Variants in PCDHGA1 observed in about 807,000 individuals in gnomAD.
PCDHGA1 encodes protocadherin gamma subfamily A, 1, also known as protocadherin gamma-A1.
A neutral mutation model predicts 58.0 loss-of-function variants in PCDHGA1; 32 were observed. That is an observed-to-expected ratio of 0.55 (90% CI 0.42 to 0.74). The LOEUF is 0.74. PCDHGA1 is among the 30% of genes least tolerant of loss of function. PCDHGA1 has a pLI of 0.00. For missense variants in PCDHGA1, 1,205 were observed against 1,182.3 expected, an observed-to-expected ratio of 1.02 and a Z score of -0.28; for synonymous variants, 498 against 501.1, an observed-to-expected ratio of 0.99 and a Z score of 0.08.
At position 141,486,408 on chromosome 5, in the gene PCDHGA1, C is replaced by G; in HGVS notation, c.2422-8399C>G. The G allele has an allele frequency of 1.2e-6, 2 of 1,614,156 alleles. No homozygotes were observed. The highest frequency in any genetic ancestry group is 1.7e-6 in the Non-Finnish European group (2 of 1,180,014). Reference sequence around the variant, plus strand: ...CAGTTCTCCCTGGTGACTGCTGGACCCTTGGATCGAGAGGCCAAATCTAGC... The same window carrying G: ...CAGTTCTCCCTGGTGACTGCTGGACGCTTGGATCGAGAGGCCAAATCTAGC... On this transcript the variant is annotated intron_variant, in intron 1 of 3. Transcript: ENST00000517417. This position sits in a 1 kb window ranked among gnomAD's most constrained non-coding sequence, Gnocchi z 5.0.
At chr5:141,422,758 A>G in intron 1 of PCDHGA1, 1 of 1,613,150 alleles carries the variant, frequency 6.2e-7, no homozygotes, top group Non-Finnish European at 8.5e-7. Flanking sequence ...TATTAACTCC[A>G]ACACTGGTGT....
At chr5:141,376,211 G>A (rs1772408440) in intron 1 of PCDHGA1, 1 of 1,614,180 alleles carries the variant, frequency 6.2e-7, no homozygotes, top group Admixed American at 1.7e-5. Context: ...CTTCGTCATC[G>A]TGCTGCTGGC....
chr5:141,491,247 G>A lies in PCDHGA1; in HGVS notation c.2422-3560G>A, dbSNP rs1356752106. ...CAGTGCTGCTGGTTCTGGAGGATGA[G>A]GACCCTGAGGAAATGCCCAAATCCA... On this transcript the variant is annotated intron_variant, in intron 1 of 3. Coordinates refer to ENST00000517417, the MANE Select transcript of PCDHGA1 (RefSeq NM_018912.3). The surrounding 1 kb of genome is among the most constrained non-coding windows in gnomAD (Gnocchi z 6.9). The A allele has an allele frequency of 3.2e-5, 51 of 1,614,192 alleles. No individual in the cohort carries two copies. The highest frequency in any genetic ancestry group is 4.3e-5 in the Non-Finnish European group (51 of 1,180,018).
chr5:141,362,348 G>T (rs761668802), intron 1 of PCDHGA1: 2 of 1,614,022 alleles, frequency 1.2e-6, no homozygotes, highest in Non-Finnish European at 1.7e-6. Context: ...CCTGGACCTG[G>T]GGTTCTCCCC....
chr5:141,371,949 G>A lies in PCDHGA1; in HGVS notation c.2421+38844G>A, dbSNP rs376332279. ...GAGCGGGGTGGTGTTCGCGCAGCGA[G>A]CCTTCGACCACGAGCAGCTGCGTGC... is the stretch of plus-strand genomic sequence containing the variant. On this transcript the variant is annotated intron_variant, in intron 1 of 3. Coordinates refer to ENST00000517417, the MANE Select transcript of PCDHGA1 (RefSeq NM_018912.3). 4.6e-5 allele frequency: 74 copies of A among 1,613,184 alleles called. No homozygotes were observed. The African/African-American group carries it at 9.1e-4, about 20-fold the overall frequency.
chr5:141,376,152 C>T, intron 1 of PCDHGA1: 2 of 1,614,026 alleles, frequency 1.2e-6, no homozygotes, highest in Non-Finnish European at 1.7e-6. Context: ...TCGGACCTCA[C>T]TCTGTACCTG....
intron 1 of PCDHGA1, chr5:141,430,525 G>C (rs1354801907): frequency 3.3e-5 from 12 of 365,842 alleles, no homozygotes; most frequent in Admixed American, 1.3e-4. Context: ...GCAGTAATTG[G>C]TTAGGACTCT....
At position 141,365,998 on chromosome 5, in the gene PCDHGA1, C is replaced by A. The variant is rs374639173; in HGVS notation, c.2421+32893C>A. 3.1e-6 allele frequency: 5 copies of A among 1,614,116 alleles called. No homozygotes were observed. Among genetic ancestry groups the A allele is most frequent in the Admixed American group, 3.3e-5 (2 of 60,012 alleles). On this transcript the variant is annotated intron_variant, in intron 1 of 3. Transcript: ENST00000517417. ...TGAGCCTGTTTGTGCTGGACCAGAA[C>A]GACAATACGCCTGAGATCCTGTACC...
chr5:141,350,781 ACTTCT>A lies in PCDHGA1; in HGVS notation c.2421+17679_2421+17683del, dbSNP rs1758558440. On this transcript the variant is annotated intron_variant, in intron 1 of 3. Coordinates refer to ENST00000517417, the MANE Select transcript of PCDHGA1 (RefSeq NM_018912.3). ...TTATACACCATCAACCCCAATCAAT[ACTTCT>A]CTCTGTCAACGAAGGAAAGTCCTGA... is the stretch of plus-strand genomic sequence containing the variant. The A allele has an allele frequency of 4.3e-6, 7 of 1,613,952 alleles. No homozygotes were observed. In the East Asian group the frequency reaches 1.6e-4, roughly 36 times the overall value.
intron 1 of PCDHGA1, among the ~76,000 whole-genome samples, chr5:141,466,757 T>G (rs1486124876): frequency 6.6e-6 from 1 of 152,224 alleles, no homozygotes; most frequent in Non-Finnish European, 1.5e-5. Context: ...AGGGGCTCTT[T>G]TCAAACTGTT....
intron 3 of PCDHGA1, among the ~76,000 whole-genome samples, chr5:141,505,973 G>A (rs1207489923): frequency 6.6e-6 from 1 of 152,166 alleles, no homozygotes; most frequent in Non-Finnish European, 1.5e-5. Context: ...ATCCCCAGCC[G>A]AGAGAACACC....
chr5:141,404,709 A>G (rs746275941), intron 1 of PCDHGA1: 33 of 1,613,624 alleles, frequency 2.0e-5, no homozygotes, highest in Non-Finnish European at 2.7e-5. Flanking sequence ...GAGCCTGGCT[A>G]CCTGGTGACC....
intron 1 of PCDHGA1, chr5:141,352,202 C>T: frequency 6.2e-7 from 1 of 1,613,996 alleles, no homozygotes; most frequent in Non-Finnish European, 8.5e-7. Flanking sequence ...TGGAGGACAG[C>T]CGCCACTCTC....
At chr5:141,478,708 A>G (rs1394463788) in intron 1 of PCDHGA1, 31 of 1,548,072 alleles carry the variant, frequency 2.0e-5, no homozygotes, top group Non-Finnish European at 2.5e-5. Context: ...TGCCTTTGTG[A>G]GATGGTGGCC....
At chr5:141,379,806 A>C (rs965954468) in intron 1 of PCDHGA1, among the ~76,000 whole-genome samples, 2 of 150,310 alleles carry the variant, frequency 1.3e-5, no homozygotes, top group African/African-American at 4.9e-5. Context: ...AGGTTTTGAG[A>C]GTTCAGTATA....
chr5:141,359,161 A>T (rs1761134952), intron 1 of PCDHGA1, among the ~76,000 whole-genome samples: 1 of 152,204 alleles, frequency 6.6e-6, no homozygotes. Flanking sequence ...TGATGCAGTT[A>T]CCTGGCTTGG....
At chr5:141,427,683 G>C in intron 1 of PCDHGA1, 1 of 836,052 alleles carries the variant, frequency 1.2e-6, no homozygotes. Flanking sequence ...CCTTCCCGGA[G>C]CCTCCATCCC....
At chr5:141,467,768 C>T (rs2099151160) in intron 1 of PCDHGA1, among the ~76,000 whole-genome samples, 2 of 151,794 alleles carry the variant, frequency 1.3e-5, no homozygotes, top group African/African-American at 2.4e-5. Flanking sequence ...CTCAAGTGCC[C>T]GCACCTCAGC....
chr5:141,419,617 C>T (rs780077182), intron 1 of PCDHGA1: 2 of 1,612,280 alleles, frequency 1.2e-6, no homozygotes, highest in South Asian at 2.2e-5. Flanking sequence ...AGCCAGGCTA[C>T]CTGGTGACCA....
Sources: allele counts gnomAD v4.1 joint callset (sites outside exome capture counted in the v4.1 genomes callset), GRCh38; gene constraint gnomAD v4.1.1; non-coding constraint Gnocchi (gnomAD v3.1); transcripts MANE v1.5; gene names NCBI Gene and HGNC (gene_info 2026-07-23, HGNC 2026-07-21).